The following CHST11 variants were observed in gnomAD, a reference collection of about 807,000 sequenced individuals.
CHST11 encodes C4S-1.
A neutral mutation model predicts 30.4 loss-of-function variants in CHST11; 9 were observed. That is an observed-to-expected ratio of 0.30 (90% CI 0.18 to 0.52). The LOEUF (loss-of-function observed/expected upper bound fraction) is 0.52. CHST11 is among the 20% of genes least tolerant of loss of function. The pLI, the probability that CHST11 is intolerant of heterozygous loss-of-function variation, is 0.97. For synonymous variants in CHST11, 152 were observed against 187.8 expected, an observed-to-expected ratio of 0.81 and a Z score of 1.56; for missense variants, 348 against 460.6, an observed-to-expected ratio of 0.76 and a Z score of 2.24.
At chr12:104,634,817 C>A (rs555125798) in intron 2 of CHST11, among the ~76,000 whole-genome samples, 1 of 152,268 alleles carries the variant, frequency 6.6e-6, no homozygotes, top group Non-Finnish European at 1.5e-5. Context: ...TCTTAAAAAC[C>A]CCACACCTTC....
At chr12:104,725,612 G>T (rs1194534183) in intron 2 of CHST11, among the ~76,000 whole-genome samples, 2 of 151,782 alleles carry the variant, frequency 1.3e-5, no homozygotes, top group African/African-American at 2.4e-5. Flanking sequence ...TGGGAAGTGG[G>T]TGTCACTTCT....
intron 2 of CHST11, among the ~76,000 whole-genome samples, chr12:104,648,884 C>A (rs1169575405): frequency 6.6e-6 from 1 of 152,182 alleles, no homozygotes; most frequent in Admixed American, 6.5e-5. Context: ...AAACTGGCAA[C>A]AGAGATGAGC....
intron 1 of CHST11, among the ~76,000 whole-genome samples, chr12:104,516,362 C>T (rs927830521): frequency 8.5e-5 from 13 of 152,140 alleles, no homozygotes; most frequent in Non-Finnish European, 1.5e-4. Flanking sequence ...GAGAAGTATA[C>T]GATTTATGTG....
intron 1 of CHST11, among the ~76,000 whole-genome samples, chr12:104,596,560 G>A (rs942018063): frequency 2.4e-5 from 3 of 125,832 alleles, no homozygotes; most frequent in Admixed American, 8.7e-5. Flanking sequence ...ATAAACAGAC[G>A]TGGGTTGTCA....
intron 1 of CHST11, among the ~76,000 whole-genome samples, chr12:104,479,561 T>C (rs66839509): frequency 0.12 from 18,458 of 152,180 alleles, 1,211 homozygotes; most frequent in South Asian, 0.19. Context: ...GAAAGAAAAC[T>C]GGAGATGCTC....
At chr12:104,626,414 A>G (rs983731960) in intron 2 of CHST11, among the ~76,000 whole-genome samples, 1 of 152,120 alleles carries the variant, frequency 6.6e-6, no homozygotes, top group African/African-American at 2.4e-5. Context: ...ACTTTTGTCT[A>G]TTCATGTTAA....
chr12:104,650,416 C>T (rs1419213363), intron 2 of CHST11, among the ~76,000 whole-genome samples: 1 of 152,202 alleles, frequency 6.6e-6, no homozygotes. Context: ...TCTGTTTATA[C>T]CTCAGAACTC....
chr12:104,688,559 T>C (rs2039869331), intron 2 of CHST11, among the ~76,000 whole-genome samples: 2 of 152,212 alleles, frequency 1.3e-5, no homozygotes. Context: ...AAACATAAAT[T>C]AATGTTAAAA....
chr12:104,491,429 C>G (rs1210755151), intron 1 of CHST11, among the ~76,000 whole-genome samples: 1 of 151,698 alleles, frequency 6.6e-6, no homozygotes, highest in Admixed American at 6.6e-5. Flanking sequence ...AAACAAGAAC[C>G]ACTTTACCTT....
chr12:104,457,581 T>A, intron 1 of CHST11, 52 bp downstream of exon 1: 2 of 1,279,552 alleles, frequency 1.6e-6, no homozygotes, highest in Middle Eastern at 1.9e-4. Flanking sequence ...TCTCTCGCGC[T>A]CTAGCTCGCT....
intron 2 of CHST11, among the ~76,000 whole-genome samples, chr12:104,607,084 A>G (rs941014787): frequency 6.6e-6 from 1 of 152,010 alleles, no homozygotes; most frequent in African/African-American, 2.4e-5. Context: ...ATAAATAAAT[A>G]AATATATAAA....
intron 2 of CHST11, among the ~76,000 whole-genome samples, chr12:104,722,699 G>C (rs1175090802): frequency 6.6e-6 from 1 of 152,046 alleles, no homozygotes; most frequent in Non-Finnish European, 1.5e-5. Context: ...TTGCTGGAAA[G>C]AGTGTCCAAA....
chr12:104,491,588 C>T (rs950255768), intron 1 of CHST11, among the ~76,000 whole-genome samples: 3 of 152,002 alleles, frequency 2.0e-5, no homozygotes, highest in Non-Finnish European at 2.9e-5. Flanking sequence ...CCTGCCTCTG[C>T]TTCCCTAGTA....
intron 1 of CHST11, among the ~76,000 whole-genome samples, chr12:104,527,837 A>G (rs1445525702): frequency 6.6e-6 from 1 of 152,222 alleles, no homozygotes; most frequent in East Asian, 1.9e-4. Flanking sequence ...GAAACTTACA[A>G]TCATGGCGGA....
intron 1 of CHST11, among the ~76,000 whole-genome samples, chr12:104,459,279 A>T (rs538091087): frequency 1.5e-3 from 231 of 152,234 alleles, no homozygotes; most frequent in African/African-American, 5.3e-3. Flanking sequence ...CAGAGTGCCA[A>T]GCTCCAGGGC....
chr12:104,626,994 C>T (rs1210687885), intron 2 of CHST11, among the ~76,000 whole-genome samples: 4 of 152,162 alleles, frequency 2.6e-5, no homozygotes, highest in Non-Finnish European at 5.9e-5. Flanking sequence ...GTGGGTCTAC[C>T]TGTCCATCCC....
chr12:104,520,281 C>T (rs913219957), intron 1 of CHST11, among the ~76,000 whole-genome samples: 5 of 152,178 alleles, frequency 3.3e-5, no homozygotes, highest in Non-Finnish European at 5.9e-5. Flanking sequence ...CAGGATCTTA[C>T]ATGCCACATA....
At chr12:104,680,933 T>C (rs1230112608) in intron 2 of CHST11, among the ~76,000 whole-genome samples, 1 of 152,246 alleles carries the variant, frequency 6.6e-6, no homozygotes, top group Non-Finnish European at 1.5e-5. Flanking sequence ...AATGGCTGTG[T>C]GGTCTTGGAC....
intron 2 of CHST11, among the ~76,000 whole-genome samples, chr12:104,714,548 G>T (rs950505839): frequency 9.9e-5 from 15 of 150,862 alleles, no homozygotes; most frequent in African/African-American, 3.7e-4. Flanking sequence ...TTTTGTGGAG[G>T]TGGTGATGAT....
Sources: allele counts gnomAD v4.1 joint callset (sites outside exome capture counted in the v4.1 genomes callset), GRCh38; gene constraint gnomAD v4.1.1; transcripts MANE v1.5; gene names NCBI Gene and HGNC (gene_info 2026-07-23, HGNC 2026-07-21).